MYEF2: variants seen among roughly 807,000 people sequenced by gnomAD.
MYEF2 encodes myelin expression factor 2.
MYEF2 carries 37 observed loss-of-function variants against 75.2 expected under a neutral mutation model. The ratio of observed to expected loss-of-function variants is 0.49; its 90% CI spans 0.38 to 0.65. MYEF2 has a LOEUF of 0.65. Ranked by LOEUF, MYEF2 falls within the 30% of genes least tolerant of loss-of-function variation. MYEF2 has a pLI of 0.00. For missense variants in MYEF2, 634 were observed against 771.4 expected, an observed-to-expected ratio of 0.82 and a Z score of 2.11; for synonymous variants, 195 against 241.6, an observed-to-expected ratio of 0.81 and a Z score of 1.79.
At chr15:48,163,811 T>C (rs1428397553) in intron 5 of MYEF2, among the ~76,000 whole-genome samples, 1 of 152,106 alleles carries the variant, frequency 6.6e-6, no homozygotes, top group Non-Finnish European at 1.5e-5. Context: ...GCTCTGTAAA[T>C]GAAATAACAA....
Position 48,151,181 on chromosome 15 carries a change from G to C in MYEF2, c.1307-10C>G. The C allele has an allele frequency of 6.3e-7, 1 of 1,599,910 alleles. No homozygotes were observed. Among genetic ancestry groups the C allele is most frequent in the Admixed American group, 1.7e-5 (1 of 58,610 alleles). Reference sequence around the variant, plus strand: ...CCAATCATTGCACTGCCTAAACAAGGATGGAAAGATAATATACTAATTAAT... The same window carrying C: ...CCAATCATTGCACTGCCTAAACAAGCATGGAAAGATAATATACTAATTAAT... On this transcript the variant is annotated splice_polypyrimidine_tract_variant and intron_variant, in intron 13 of 16. Coordinates refer to ENST00000324324, the MANE Select transcript of MYEF2 (RefSeq NM_016132.5).
intron 7 of MYEF2, among the ~76,000 whole-genome samples, chr15:48,158,559 C>T (rs2039799025): frequency 6.6e-6 from 1 of 152,038 alleles, no homozygotes; most frequent in Admixed American, 6.6e-5. Flanking sequence ...AAAGAAAAAA[C>T]TTCATACCAG....
intron 5 of MYEF2, among the ~76,000 whole-genome samples, chr15:48,160,747 A>C (rs2039909389): frequency 6.6e-6 from 1 of 152,064 alleles, no homozygotes; most frequent in Non-Finnish European, 1.5e-5. Flanking sequence ...AGTACTAATA[A>C]AAAGAAAGTC....
At chr15:48,177,758 T>C (rs2140957575) in intron 1 of MYEF2, among the ~76,000 whole-genome samples, 1 of 152,312 alleles carries the variant, frequency 6.6e-6, no homozygotes, top group East Asian at 1.9e-4. Flanking sequence ...ACCGTGGCGG[T>C]CGCTGAGCTT....
intron 16 of MYEF2, among the ~76,000 whole-genome samples, chr15:48,145,757 AT>A (rs2039258387): frequency 6.6e-6 from 1 of 151,940 alleles, no homozygotes; most frequent in South Asian, 2.1e-4. Context: ...AAAATCAGAA[AT>A]TCTACGATAA....
At chr15:48,152,602 C>A in intron 10 of MYEF2, 1 of 271,056 alleles carries the variant, frequency 3.7e-6, no homozygotes, top group Non-Finnish European at 6.8e-6. Context: ...AGAAATACTA[C>A]TATCAATGAT....
chr15:48,138,874 C>T lies in MYEF2; in HGVS notation c.*4034G>A. The T allele has an allele frequency of 1.1e-6, 1 of 897,540 alleles. No individual in the cohort carries two copies. The highest frequency in any genetic ancestry group is 1.7e-6 in the Non-Finnish European group (1 of 583,680). The allele number at this position is 897,540 out of a possible 1,614,324, so 55.6% of individuals were successfully genotyped here. A position where few individuals can be genotyped will look rare whatever the true frequency, so the allele number is the denominator to read the frequency against. Reference sequence around the variant, plus strand: ...TTAAACAGCCTTTTAAAAACTGATACAGCTAATTTATTTCAATATAACTTT... The same window carrying T: ...TTAAACAGCCTTTTAAAAACTGATATAGCTAATTTATTTCAATATAACTTT... On this transcript the variant is annotated 3_prime_UTR_variant, in exon 17 of 17. Transcript: ENST00000324324.
chr15:48,176,456 T>C (rs1352959151), intron 1 of MYEF2, among the ~76,000 whole-genome samples: 1 of 152,344 alleles, frequency 6.6e-6, no homozygotes, highest in East Asian at 1.9e-4. Flanking sequence ...TATTTTTCTC[T>C]TCCTAAATTA....
intron 1 of MYEF2, among the ~76,000 whole-genome samples, chr15:48,174,976 T>C (rs1408839719): frequency 6.6e-6 from 1 of 152,174 alleles, no homozygotes; most frequent in Admixed American, 6.5e-5. Context: ...CTCAAGGAGA[T>C]ATCTGCACTC....
intron 5 of MYEF2, among the ~76,000 whole-genome samples, chr15:48,163,611 G>A (rs755797955): frequency 1.3e-5 from 2 of 152,152 alleles, no homozygotes; most frequent in Non-Finnish European, 2.9e-5. Flanking sequence ...ATAGAAAGAA[G>A]ATGCCATCTA....
Position 48,149,412 on chromosome 15 carries a change from T to A in MYEF2, c.1379-41A>T, listed in dbSNP as rs1434091380. The A allele has an allele frequency of 1.9e-6, 3 of 1,592,878 alleles. No individual in the cohort carries two copies. The East Asian group carries it at 6.7e-5, about 36-fold the overall frequency. On this transcript the variant is annotated intron_variant, in intron 14 of 16. Coordinates refer to ENST00000324324, the MANE Select transcript of MYEF2 (RefSeq NM_016132.5). The surrounding 1 kb of genome is among the most constrained non-coding windows in gnomAD (Gnocchi z 4.0). ...AGGACGGGGGGATTTGGGAATTTTG[T>A]GTTTTTGTTTCAAAAACATAAGGAA...
At position 48,138,833 on chromosome 15, in the gene MYEF2, G is replaced by T; in HGVS notation, c.*4075C>A. 1.6e-6 allele frequency: 1 copy of T among 638,992 alleles called. No individual in the cohort carries two copies. Among genetic ancestry groups the T allele is most frequent in the Non-Finnish European group, 2.8e-6 (1 of 363,484 alleles). The allele number at this position is 638,992 out of a possible 1,614,324, so 39.6% of individuals were successfully genotyped here. ...TCTTTTCACCAGCAATATCAGTAAT[G>T]AGGTACTCAAATGTTTTAAACAGCC... On this transcript the variant is annotated 3_prime_UTR_variant, in exon 17 of 17. Transcript: ENST00000324324.
At chr15:48,147,118 T>G (rs1567241396) in intron 16 of MYEF2, among the ~76,000 whole-genome samples, 1 of 152,092 alleles carries the variant, frequency 6.6e-6, no homozygotes, top group East Asian at 1.9e-4. Flanking sequence ...GAATAATAAT[T>G]TAACCATTAT....
At chr15:48,172,622 G>A (rs1230779327) in intron 1 of MYEF2, among the ~76,000 whole-genome samples, 1 of 151,364 alleles carries the variant, frequency 6.6e-6, no homozygotes, top group Non-Finnish European at 1.5e-5. Context: ...GATTAAGGGG[G>A]AAAAACAATC....
intron 1 of MYEF2, among the ~76,000 whole-genome samples, chr15:48,172,634 G>A (rs1482921405): frequency 2.0e-5 from 3 of 151,484 alleles, no homozygotes; most frequent in African/African-American, 7.3e-5. Context: ...AAAACAATCA[G>A]AAATCAAAGA....
chr15:48,158,982 A>C (rs2039822624), intron 6 of MYEF2, 60 bp from the exon 7 acceptor site: 21 of 1,455,662 alleles, frequency 1.4e-5, no homozygotes, highest in Non-Finnish European at 1.8e-5. Context: ...ATCTGTAAAT[A>C]CAAAAAATCT....
Position 48,139,523 on chromosome 15 carries a change from A to AT in MYEF2, c.*3384_*3385insA, listed in dbSNP as rs994146902. On this transcript the variant is annotated 3_prime_UTR_variant, in exon 17 of 17. Coordinates refer to ENST00000324324, the MANE Select transcript of MYEF2 (RefSeq NM_016132.5). ...TTATATTGAATTCCATTCCATAATA[A>AT]AAAAAAAAAAGAACAAAAAAACAAA... is the stretch of plus-strand genomic sequence containing the variant. The AT allele has an allele frequency of 3.8e-4, 58 of 154,390 alleles. 1 individual carries two copies. Among genetic ancestry groups the AT allele is most frequent in the African/African-American group, 1.3e-3 (54 of 40,438 alleles). The allele number at this position is 154,390 out of a possible 1,614,324, so 9.6% of individuals were successfully genotyped here.
At position 48,141,128 on chromosome 15, in the gene MYEF2, T is replaced by C. The variant is rs2039066350; in HGVS notation, c.*1780A>G. On this transcript the variant is annotated 3_prime_UTR_variant, in exon 17 of 17. Coordinates refer to ENST00000324324, the MANE Select transcript of MYEF2 (RefSeq NM_016132.5). The stretch of plus-strand genomic sequence containing the variant: ...TTTATTACAGGGGAAACACTAGAAA[T>C]TCCCGATACAGTAATGGGCCTTACT... 1 of 1,612,900 alleles carries C rather than the reference T, an allele frequency of 6.2e-7. No homozygotes were observed. The highest frequency in any genetic ancestry group is 1.7e-5 in the Admixed American group (1 of 59,966).
At chr15:48,144,486 A>T (rs570296007) in intron 16 of MYEF2, among the ~76,000 whole-genome samples, 20 of 152,116 alleles carry the variant, frequency 1.3e-4, no homozygotes, top group African/African-American at 4.6e-4. Context: ...TACACAGGCC[A>T]GATAGTCTTT....
Sources: gnomAD v4.1 joint callset for allele counts (sites outside exome capture counted in the v4.1 genomes callset) on GRCh38, gnomAD v4.1.1 for gene constraint, Gnocchi (gnomAD v3.1) non-coding constraint, MANE v1.5 for transcripts, NCBI Gene and HGNC (gene_info 2026-07-23, HGNC 2026-07-21) for gene names.